R3HDM1: variants seen among roughly 807,000 people sequenced by gnomAD.
The protein encoded by R3HDM1 is R3H domain containing 1, also known as R3H domain-containing protein 1.
A neutral mutation model predicts 141.1 loss-of-function variants in R3HDM1; 46 were observed. The observed-to-expected ratio is 0.33, with a 90% CI of 0.26 to 0.42. The LOEUF (loss-of-function observed/expected upper bound fraction) is 0.42. Ranked by LOEUF, R3HDM1 falls within the 10% of genes least tolerant of loss-of-function variation. The pLI, the probability that R3HDM1 is intolerant of heterozygous loss-of-function variation, is 1.00. For synonymous variants in R3HDM1, 435 were observed against 472.9 expected (o/e 0.92, Z 1.04); for missense variants, 1,184 against 1,368.3 (o/e 0.87, Z 2.12).
intron 1 of R3HDM1, among the ~76,000 whole-genome samples, chr2:135,564,700 C>G (rs577572434): frequency 6.6e-6 from 1 of 152,208 alleles, no homozygotes; most frequent in South Asian, 2.1e-4. Flanking sequence ...ATGTGTAGGT[C>G]CTAGCACATA....
chr2:135,585,809 C>T (rs1398665309), intron 1 of R3HDM1, among the ~76,000 whole-genome samples: 3 of 152,172 alleles, frequency 2.0e-5, no homozygotes, highest in African/African-American at 7.2e-5. Context: ...AGAAGTAATG[C>T]TCTTGCCAGA....
At chr2:135,719,239 A>G (rs1353051895) in intron 24 of R3HDM1, among the ~76,000 whole-genome samples, 1 of 152,188 alleles carries the variant, frequency 6.6e-6, no homozygotes, top group Non-Finnish European at 1.5e-5. Flanking sequence ...ACAGTCTGGT[A>G]TGAATGCCGC....
At chr2:135,655,559 T>C (rs1016673409) in intron 18 of R3HDM1, among the ~76,000 whole-genome samples, 7 of 151,954 alleles carry the variant, frequency 4.6e-5, no homozygotes, top group African/African-American at 1.7e-4. Context: ...CAGGCTGGAG[T>C]GCAGTGGCGC....
chr2:135,637,100 T>A (rs1363421405), intron 11 of R3HDM1, among the ~76,000 whole-genome samples: 2 of 152,204 alleles, frequency 1.3e-5, no homozygotes, highest in Non-Finnish European at 2.9e-5. Flanking sequence ...CTAAATGTCC[T>A]TCTCTCTAGT....
intron 1 of R3HDM1, among the ~76,000 whole-genome samples, chr2:135,542,004 C>G (rs1697694168): frequency 6.6e-6 from 1 of 151,960 alleles, no homozygotes; most frequent in African/African-American, 2.4e-5. Context: ...TGGGATGAGA[C>G]CCAAATTTAA....
At chr2:135,698,548 T>C (rs2073634083) in intron 21 of R3HDM1, among the ~76,000 whole-genome samples, 1 of 152,208 alleles carries the variant, frequency 6.6e-6, no homozygotes, top group African/African-American at 2.4e-5. Context: ...TTATACTTAA[T>C]TTAAACTGTA....
intron 19 of R3HDM1, chr2:135,670,365 A>G (rs1403410823): frequency 5.1e-6 from 5 of 979,410 alleles, no homozygotes; most frequent in Non-Finnish European, 6.1e-6. Context: ...GCTACTCAAC[A>G]CATGCCTTCA....
intron 3 of R3HDM1, chr2:135,607,243 T>G: frequency 1.1e-6 from 1 of 876,372 alleles, no homozygotes; most frequent in Non-Finnish European, 1.4e-6. Context: ...TGCCTCAGCC[T>G]CCCAAACTGC....
In R3HDM1 at chr2:135,577,414, CAAA is replaced by C. The variant is rs35038268; in HGVS notation, c.-249-25062_-249-25060del. ...AAAGAACTCTTAATAATTAAATGAC[CAAA>C]AAAAAAAAAAAAAAAAAAAAAAAGC... On this transcript the variant is annotated intron_variant, in intron 1 of 26. Coordinates refer to ENST00000683871, the MANE Select transcript of R3HDM1 (RefSeq NM_001378107.1). 4.4e-3 allele frequency among the ~76,000 whole-genome samples: 70 copies of C among 15,790 alleles called. 2 individuals carry two copies. The highest frequency in any genetic ancestry group is 0.013 in the South Asian group (5 of 394). The allele number at this position is 15,790 out of a possible 152,430, so 10.4% of individuals were successfully genotyped here.
At chr2:135,609,461 G>C (rs2105132052) in intron 3 of R3HDM1, among the ~76,000 whole-genome samples, 1 of 152,288 alleles carries the variant, frequency 6.6e-6, no homozygotes, top group Middle Eastern at 3.4e-3. Context: ...ATAATTATCT[G>C]ACAGGTTTTT....
At chr2:135,586,828 G>A (rs1708043769) in intron 1 of R3HDM1, 2 of 985,262 alleles carry the variant, frequency 2.0e-6, no homozygotes, top group Non-Finnish European at 2.4e-6. Flanking sequence ...GTATAGCACA[G>A]CAAATTGTCA....
rs750987193 is a variant in R3HDM1, at chr2:135,638,782, A to G, written c.985A>G (p.Ile329Val). ...CAGTAGTACCCAGCAGAGGCGCCAGATATTTAGGTATTGGAAGCATGTTTT... is the reference window on the plus strand; with the variant it reads ...CAGTAGTACCCAGCAGAGGCGCCAGGTATTTAGGTATTGGAAGCATGTTTT... Reference protein sequence around the residue: ...DASSTQQRRQIFRVNKDASGR... With the variant: ...DASSTQQRRQVFRVNKDASGR... The change falls in exon 13 of 27, where the codon ATA (isoleucine) becomes GTA (valine). Residue 329 changes from isoleucine to valine, a missense_variant. Coordinates refer to ENST00000683871, the MANE Select transcript of R3HDM1 (RefSeq NM_001378107.1). 29 of 1,613,926 alleles carry G rather than the reference A, an allele frequency of 1.8e-5. 1 individual carries two copies. In the East Asian group the frequency reaches 4.0e-4, roughly 22 times the overall value.
chr2:135,650,747 G>A, intron 17 of R3HDM1: 1 of 981,918 alleles, frequency 1.0e-6, no homozygotes, highest in Non-Finnish European at 1.2e-6. Context: ...ATTAAATCAG[G>A]CATCTCCTTT....
Position 135,589,569 on chromosome 2 carries a change from C to T in R3HDM1, c.-249-12931C>T, listed in dbSNP as rs61645249. Among the ~76,000 whole-genome samples, 454 of 152,132 alleles carry T rather than the reference C, an allele frequency of 3.0e-3. 2 individuals are homozygous for T. Among genetic ancestry groups the T allele is most frequent in the African/African-American group, 0.01 (429 of 41,526 alleles). On this transcript the variant is annotated intron_variant, in intron 1 of 26. Transcript: ENST00000683871. Reference sequence around the variant, plus strand: ...TTAATATAATTTATTTTTTCCAAACCGAGTTCCTCTAAGCCCCAGGGTACC... The same window carrying T: ...TTAATATAATTTATTTTTTCCAAACTGAGTTCCTCTAAGCCCCAGGGTACC...
intron 21 of R3HDM1, among the ~76,000 whole-genome samples, chr2:135,683,756 T>A (rs1407418678): frequency 2.6e-5 from 4 of 152,162 alleles, no homozygotes; most frequent in African/African-American, 9.7e-5. Flanking sequence ...TGGTAATTTT[T>A]ATTAATCAGA....
chr2:135,632,104 T>A (rs1392367336), intron 9 of R3HDM1, 103 bp downstream of exon 9: 1 of 1,024,078 alleles, frequency 9.8e-7, no homozygotes, highest in Admixed American at 3.5e-5. Context: ...TTTAACAGTC[T>A]AATTAAGTTT....
At chr2:135,538,925 G>T (rs988274665) in intron 1 of R3HDM1, among the ~76,000 whole-genome samples, 2 of 91,758 alleles carry the variant, frequency 2.2e-5, no homozygotes, top group African/African-American at 1.4e-4. Context: ...AAAAGTTTTT[G>T]TTGTTGTTGT....
At chr2:135,627,657 T>C (rs983706942) in intron 7 of R3HDM1, among the ~76,000 whole-genome samples, 6 of 152,124 alleles carry the variant, frequency 3.9e-5, no homozygotes, top group African/African-American at 1.4e-4. Flanking sequence ...AACAATACCA[T>C]GGATTAACCT....
intron 1 of R3HDM1, among the ~76,000 whole-genome samples, chr2:135,593,710 T>C (rs1372329535): frequency 6.6e-6 from 1 of 151,894 alleles, no homozygotes; most frequent in African/African-American, 2.4e-5. Context: ...GAATTTTCTT[T>C]TTTATTTTAT....
Sources: allele counts gnomAD v4.1 joint callset (sites outside exome capture counted in the v4.1 genomes callset), GRCh38; gene constraint gnomAD v4.1.1; transcripts MANE v1.5; gene names NCBI Gene and HGNC (gene_info 2026-07-23, HGNC 2026-07-21).